CELF5: variants seen among roughly 807,000 people sequenced by gnomAD.
CELF5 encodes the protein CUG-BP and ETR-3 like factor 5.
CELF5 carries 6 observed loss-of-function variants against 54.9 expected under a neutral mutation model. The ratio of observed to expected loss-of-function variants is 0.11; its 90% CI spans 0.06 to 0.22. CELF5 has a LOEUF of 0.22. CELF5 is among the 10% of genes least tolerant of loss of function. The pLI, the probability that CELF5 is intolerant of heterozygous loss-of-function variation, is 1.00. For synonymous variants in CELF5, 271 were observed against 290.9 expected, an observed-to-expected ratio of 0.93 and a Z score of 0.70; for missense variants, 401 against 678.6, an observed-to-expected ratio of 0.59 and a Z score of 4.54.
Position 3,282,351 on chromosome 19 carries a change from G to T in CELF5, c.893-1G>T. The T allele has an allele frequency of 6.2e-7, 1 of 1,609,190 alleles. No homozygotes were observed. On this transcript the variant is annotated splice_acceptor_variant, in intron 7 of 12. Transcript: ENST00000292672. LOFTEE classifies it high-confidence loss of function. The surrounding 1 kb of genome is among the most constrained non-coding windows in gnomAD (Gnocchi z 5.2). ...CCCCATGACCCTCTTCCGCTCTGCAGGGCTGCACTCACCCCCGCTGCTGGG... is the reference window on the plus strand; with the variant it reads ...CCCCATGACCCTCTTCCGCTCTGCATGGCTGCACTCACCCCCGCTGCTGGG...
chr19:3,252,572 C>T (rs555087593), intron 2 of CELF5, among the ~76,000 whole-genome samples: 3 of 152,302 alleles, frequency 2.0e-5, no homozygotes, highest in African/African-American at 7.2e-5. Context: ...GACATCAGGG[C>T]ATTCGTAGCC....
At chr19:3,233,342 C>T (rs1917360269) in intron 1 of CELF5, among the ~76,000 whole-genome samples, 3 of 152,050 alleles carry the variant, frequency 2.0e-5, no homozygotes, top group South Asian at 4.1e-4. Context: ...AGCCATTGAG[C>T]GAGGCTTGAG....
At chr19:3,244,047 C>T (rs2145032279) in intron 1 of CELF5, among the ~76,000 whole-genome samples, 1 of 152,130 alleles carries the variant, frequency 6.6e-6, no homozygotes, top group Middle Eastern at 3.4e-3. Context: ...GGGAGAAGCA[C>T]ATTCAGCCCA....
At chr19:3,285,439 T>A (rs1444580974) in intron 9 of CELF5, among the ~76,000 whole-genome samples, 1 of 137,986 alleles carries the variant, frequency 7.2e-6, no homozygotes, top group African/African-American at 2.8e-5. Context: ...GACCCCGCCC[T>A]CTGCTGCGGC....
At chr19:3,229,044 C>A (rs1470633124) in intron 1 of CELF5, among the ~76,000 whole-genome samples, 3 of 151,834 alleles carry the variant, frequency 2.0e-5, no homozygotes, top group African/African-American at 7.3e-5. Flanking sequence ...TTTCATAAGG[C>A]CCCGGAGCCT....
In CELF5 at chr19:3,268,917, G is replaced by A. The variant is rs987360529; in HGVS notation, c.343-4955G>A. 1.3e-5 allele frequency among the ~76,000 whole-genome samples: 2 copies of A among 152,068 alleles called. No individual in the cohort carries two copies. Among genetic ancestry groups the A allele is most frequent in the African/African-American group, 2.4e-5 (1 of 41,386 alleles). Reference sequence around the variant, plus strand: ...TTCAGGGGGCCATGGCAGGAGGAGCGGGGAGGAATGACTGGGGCTGAGCAG... The same window carrying A: ...TTCAGGGGGCCATGGCAGGAGGAGCAGGGAGGAATGACTGGGGCTGAGCAG... On this transcript the variant is annotated intron_variant, in intron 2 of 12. Transcript: ENST00000292672. This position sits in a 1 kb window ranked among gnomAD's most constrained non-coding sequence, Gnocchi z 4.4.
intron 2 of CELF5, among the ~76,000 whole-genome samples, chr19:3,269,657 G>T (rs1032948369): frequency 6.6e-6 from 1 of 152,118 alleles, no homozygotes; most frequent in South Asian, 2.1e-4. Context: ...CTGTTTCTCG[G>T]CCAGCCAGTG....
At chr19:3,272,098 G>GAT (rs1568352215) in intron 2 of CELF5, among the ~76,000 whole-genome samples, 7 of 152,128 alleles carry the variant, frequency 4.6e-5, no homozygotes, top group African/African-American at 1.4e-4. Flanking sequence ...CCGGGTGCAG[G>GAT]GGCTCACGCC....
chr19:3,296,434 G>GAAAAAAAAAA (rs5826810), intron 12 of CELF5: 10 of 54,858 alleles, frequency 1.8e-4, no homozygotes, highest in Non-Finnish European at 2.3e-4. Context: ...AAACCACACA[G>GAAAAAAAAAA]AAAAAAAAAA....
At chr19:3,288,672 A>AC (rs1483149271) in intron 10 of CELF5, among the ~76,000 whole-genome samples, 1 of 152,034 alleles carries the variant, frequency 6.6e-6, no homozygotes, top group Non-Finnish European at 1.5e-5. Context: ...ACATAGTGAG[A>AC]CCCCATCTCT....
Position 3,281,170 on chromosome 19 carries a change from TC to T in CELF5, c.604-26del. The T allele has an allele frequency of 6.3e-7, 1 of 1,594,224 alleles. No individual in the cohort carries two copies. ...AGTCCTGGCTACCTCCCAGCCCGTT[TC>T]CCTCCCTGCTCGCCGCTGCCCCTGC... On this transcript the variant is annotated intron_variant, in intron 5 of 12. Coordinates refer to ENST00000292672, the MANE Select transcript of CELF5 (RefSeq NM_021938.4). This position sits in a 1 kb window ranked among gnomAD's most constrained non-coding sequence, Gnocchi z 6.5.
At chr19:3,239,346 G>C (rs960271461) in intron 1 of CELF5, among the ~76,000 whole-genome samples, 1 of 151,416 alleles carries the variant, frequency 6.6e-6, no homozygotes, top group Non-Finnish European at 1.5e-5. Context: ...CAATCCTCCC[G>C]CCTCAGCCTC....
In CELF5 at chr19:3,226,013, G is replaced by A. The variant is rs567527027; in HGVS notation, c.259+1015G>A. Among the ~76,000 whole-genome samples the A allele has an allele frequency of 3.3e-5, 5 of 152,226 alleles. No homozygotes were observed. The East Asian group carries it at 9.7e-4, about 30-fold the overall frequency. The stretch of plus-strand genomic sequence containing the variant: ...GGGGTGTCCGGCAATTGTATCCCCA[G>A]CCCTTGGTTCCCATCATGGGCCCAG... On this transcript the variant is annotated intron_variant, in intron 1 of 12. Transcript: ENST00000292672.
At chr19:3,248,853 T>TCTTCCCTC (rs1555719683) in intron 1 of CELF5, among the ~76,000 whole-genome samples, 1 of 118,826 alleles carries the variant, frequency 8.4e-6, no homozygotes, top group African/African-American at 3.5e-5. Flanking sequence ...TTTCTTTCTT[T>TCTTCCCTC]CTTCCTTCCT....
chr19:3,241,676 A>C, intron 1 of CELF5, among the ~76,000 whole-genome samples: 1 of 151,980 alleles, frequency 6.6e-6, no homozygotes, highest in East Asian at 1.9e-4. Flanking sequence ...CTCTGGGTCT[A>C]GGATGCAACC....
intron 1 of CELF5, among the ~76,000 whole-genome samples, chr19:3,245,475 G>A (rs901114959): frequency 6.6e-6 from 1 of 151,394 alleles, no homozygotes. Context: ...CAGACCCTGG[G>A]GCTGATGGCC....
intron 2 of CELF5, among the ~76,000 whole-genome samples, chr19:3,269,866 C>T (rs962293993): frequency 2.0e-5 from 3 of 152,042 alleles, no homozygotes; most frequent in East Asian, 1.9e-4. Flanking sequence ...TGGGTTCAAA[C>T]GATCCTCCCT....
intron 1 of CELF5, among the ~76,000 whole-genome samples, chr19:3,232,701 G>C (rs1917325888): frequency 6.6e-6 from 1 of 152,128 alleles, no homozygotes; most frequent in African/African-American, 2.4e-5. Flanking sequence ...CAGCACTTTG[G>C]GAGGCTGAGG....
chr19:3,264,104 G>A (rs1028812283), intron 2 of CELF5, among the ~76,000 whole-genome samples: 2 of 151,914 alleles, frequency 1.3e-5, no homozygotes, highest in African/African-American at 4.8e-5. Context: ...TCGGTAACAC[G>A]CCTTTGCTTT....
Sources: allele counts gnomAD v4.1 joint callset (sites outside exome capture counted in the v4.1 genomes callset), GRCh38; gene constraint gnomAD v4.1.1; non-coding constraint Gnocchi (gnomAD v3.1); transcripts MANE v1.5; gene names NCBI Gene and HGNC (gene_info 2026-07-23, HGNC 2026-07-21).